The following TBCK variants were observed in gnomAD, a reference collection of about 807,000 sequenced individuals.
TBCK encodes TBC domain-containing protein kinase-like protein.
Under a neutral mutation model 113.4 loss-of-function variants are expected in TBCK, and 99 were observed. That is an observed-to-expected ratio of 0.87 (90% CI 0.74 to 1.03). TBCK has a LOEUF of 1.03. TBCK is among the 50% of genes least tolerant of loss of function. The pLI, the probability that TBCK is intolerant of heterozygous loss-of-function variation, is 0.00. For missense variants in TBCK, 1,045 were observed against 1,061.3 expected (o/e 0.98, Z 0.21); for synonymous variants, 369 against 370.8 (o/e 1.00, Z 0.05).
At chr4:106,226,575 T>C (rs996956353) in intron 19 of TBCK, among the ~76,000 whole-genome samples, 2 of 152,212 alleles carry the variant, frequency 1.3e-5, no homozygotes, top group Non-Finnish European at 2.9e-5. Flanking sequence ...TACAATTTCA[T>C]GTTAGCTTTG....
intron 24 of TBCK, among the ~76,000 whole-genome samples, chr4:106,108,644 T>C (rs1244505810): frequency 2.0e-5 from 3 of 152,010 alleles, no homozygotes; most frequent in Non-Finnish European, 4.4e-5. Flanking sequence ...AAAACCACAG[T>C]CAACATTATA....
intron 2 of TBCK, 109 bp downstream of exon 2, chr4:106,308,659 T>C (rs866283911): frequency 1.0e-6 from 1 of 962,198 alleles, no homozygotes. Context: ...AAGAAGGACA[T>C]GTGTGCACTG....
chr4:106,131,914 GAGA>G (rs1268807540), intron 23 of TBCK, among the ~76,000 whole-genome samples: 3 of 152,308 alleles, frequency 2.0e-5, no homozygotes, highest in Non-Finnish European at 4.4e-5. Context: ...GCTATGAAAA[GAGA>G]CTGGCAGCAT....
intron 23 of TBCK, among the ~76,000 whole-genome samples, chr4:106,142,862 G>A (rs1747297697): frequency 6.6e-6 from 1 of 152,102 alleles, no homozygotes; most frequent in Non-Finnish European, 1.5e-5. Context: ...ACTGAGTTAA[G>A]TCAGGCTGCA....
chr4:106,210,836 A>G lies in TBCK; in HGVS notation c.1860+1914T>C, dbSNP rs1026626844. ...TTTTTAACTCAACATTGTTTCTTAC[A>G]TCATACTCATTCAGAATTCAATTTT... On this transcript the variant is annotated intron_variant, in intron 20 of 25. Transcript: ENST00000394708. Among the ~76,000 whole-genome samples, 4 of 152,304 alleles carry G rather than the reference A, an allele frequency of 2.6e-5. No homozygotes were observed. The East Asian group carries it at 7.7e-4, about 29-fold the overall frequency.
chr4:106,241,473 C>T (rs1209595062), intron 12 of TBCK, among the ~76,000 whole-genome samples: 1 of 151,902 alleles, frequency 6.6e-6, no homozygotes, highest in Non-Finnish European at 1.5e-5. Flanking sequence ...TGAAGGTCTT[C>T]CCTTGCTAGA....
chr4:106,095,723 C>G lies in TBCK; in HGVS notation c.2412-82G>C, dbSNP rs1050126609. The stretch of plus-strand genomic sequence containing the variant: ...GGAAACTCACAGAGCTAAGTGACTC[C>G]CAGAAGATAGTACTAAACATCTTCC... On this transcript the variant is annotated intron_variant, in intron 24 of 25. Transcript: ENST00000394708. 5 of 1,280,556 alleles carry G rather than the reference C, an allele frequency of 3.9e-6. No homozygotes were observed. In the African/African-American group the frequency reaches 7.5e-5, roughly 19 times the overall value. 79.3% of individuals were successfully genotyped at this position (1,280,556 alleles called of 1,614,324 possible).
chr4:106,313,198 T>A (rs1439338667), intron 1 of TBCK, among the ~76,000 whole-genome samples: 1 of 152,184 alleles, frequency 6.6e-6, no homozygotes, highest in African/African-American at 2.4e-5. Context: ...CTGATTCTGC[T>A]ATCAACAAGT....
At chr4:106,183,805 C>G (rs141998485) in intron 22 of TBCK, among the ~76,000 whole-genome samples, 2 of 152,034 alleles carry the variant, frequency 1.3e-5, no homozygotes, top group African/African-American at 2.4e-5. Flanking sequence ...GTATTTTTCA[C>G]AAGTCCCACT....
chr4:106,143,652 C>A lies in TBCK; in HGVS notation c.2236-27274G>T, dbSNP rs1479018530. Among the ~76,000 whole-genome samples the A allele has an allele frequency of 2.6e-5, 4 of 152,138 alleles. No individual in the cohort carries two copies. In the South Asian group the frequency reaches 8.3e-4, roughly 31 times the overall value. ...AAGGCAGGCCGGGTGCCGTGGCTCA[C>A]CCCTGTAATCCCAGCACTTTGGGAG... On this transcript the variant is annotated intron_variant, in intron 23 of 25. Transcript: ENST00000394708.
intron 25 of TBCK, among the ~76,000 whole-genome samples, chr4:106,088,684 T>C (rs28857517): frequency 0.063 from 9,581 of 152,188 alleles, 355 homozygotes; most frequent in Non-Finnish European, 0.081. Context: ...CCATCAATGA[T>C]AGACTGGATA....
At position 106,211,650 on chromosome 4, in the gene TBCK, A is replaced by G. The variant is rs551699806; in HGVS notation, c.1860+1100T>C. Among the ~76,000 whole-genome samples, 12 of 152,240 alleles carry G rather than the reference A, an allele frequency of 7.9e-5. No individual in the cohort carries two copies. The South Asian group carries it at 2.1e-3, about 26-fold the overall frequency. On this transcript the variant is annotated intron_variant, in intron 20 of 25. Transcript: ENST00000394708. ...ACTGCTTTATAGTATTCTATTAAAC[A>G]TGATCACATAATATAGTTTTAGGAA...
chr4:106,055,551 TACACACACAC>T (rs3056715), intron 25 of TBCK, among the ~76,000 whole-genome samples: 7 of 149,222 alleles, frequency 4.7e-5, no homozygotes, highest in Admixed American at 1.3e-4. Context: ...AGTTCAATTA[TACACACACAC>T]ACACACACAC....
At chr4:106,280,953 C>T (rs1205337014) in intron 3 of TBCK, among the ~76,000 whole-genome samples, 1 of 152,000 alleles carries the variant, frequency 6.6e-6, no homozygotes, top group Non-Finnish European at 1.5e-5. Flanking sequence ...TTTTCTATTT[C>T]TGTAAAGAAT....
intron 25 of TBCK, among the ~76,000 whole-genome samples, chr4:106,074,299 A>C (rs954460411): frequency 1.3e-5 from 2 of 152,242 alleles, no homozygotes; most frequent in African/African-American, 4.8e-5. Context: ...TCTATGAAGG[A>C]ATGGAAGATT....
intron 23 of TBCK, among the ~76,000 whole-genome samples, chr4:106,135,030 T>C (rs528910978): frequency 1.8e-4 from 27 of 152,148 alleles, no homozygotes; most frequent in Non-Finnish European, 3.8e-4. Flanking sequence ...AGGTTTAATT[T>C]CCTGATAAAA....
chr4:106,205,966 T>C (rs1755454948), intron 20 of TBCK, among the ~76,000 whole-genome samples: 1 of 152,154 alleles, frequency 6.6e-6, no homozygotes, highest in African/African-American at 2.4e-5. Flanking sequence ...AATGTAACTA[T>C]TTCTCAGAAA....
At chr4:106,301,894 T>C (rs1404647386) in intron 2 of TBCK, among the ~76,000 whole-genome samples, 1 of 152,210 alleles carries the variant, frequency 6.6e-6, no homozygotes, top group Non-Finnish European at 1.5e-5. Context: ...ATTACACCAT[T>C]GAAAAATATG....
At chr4:106,184,257 A>G (rs1752753894) in intron 22 of TBCK, among the ~76,000 whole-genome samples, 3 of 152,058 alleles carry the variant, frequency 2.0e-5, no homozygotes. Context: ...ATTTCCTAAT[A>G]TGTTCCCATT....
Sources: gnomAD v4.1 joint callset for allele counts (sites outside exome capture counted in the v4.1 genomes callset) on GRCh38, gnomAD v4.1.1 for gene constraint, MANE v1.5 for transcripts, NCBI Gene and HGNC (gene_info 2026-07-23, HGNC 2026-07-21) for gene names.